Variants in TEX9 observed in about 807,000 individuals in gnomAD.
TEX9 encodes the protein testis expressed 9.
A neutral mutation model predicts 59.6 loss-of-function variants in TEX9; 74 were observed. The observed-to-expected ratio is 1.24, with a 90% confidence interval of 1.03 to 1.51. The LOEUF (loss-of-function observed/expected upper bound fraction) is 1.51. Ranked by LOEUF, TEX9 falls within the 40% of genes most tolerant of loss-of-function variation. The pLI is 0.00. For synonymous variants in TEX9, 186 were observed against 152.2 expected (o/e 1.22, Z -1.64); for missense variants, 522 against 447.8 (o/e 1.17, Z -1.49).
intron 1 of TEX9, among the ~76,000 whole-genome samples, chr15:56,360,342 A>C (rs2046767202): frequency 6.6e-6 from 1 of 152,152 alleles, no homozygotes; most frequent in South Asian, 2.1e-4. Flanking sequence ...TCACCAGAGA[A>C]ACCATCTGGG....
chr15:56,431,412 A>C (rs2050592219), intron 12 of TEX9: 14 of 1,613,490 alleles, frequency 8.7e-6, no homozygotes, highest in Non-Finnish European at 1.2e-5. Flanking sequence ...CATGCTCTTT[A>C]AGAAGTTTTA....
chr15:56,306,300 A>G (rs1212185437), intron 1 of TEX9, among the ~76,000 whole-genome samples: 1 of 150,318 alleles, frequency 6.7e-6, no homozygotes, highest in Non-Finnish European at 1.5e-5. Flanking sequence ...TATCAAAGAG[A>G]TATCTGCACT....
At chr15:56,391,546 A>T (rs1204416221) in intron 7 of TEX9, 128 bp downstream of exon 7, 1 of 592,848 alleles carries the variant, frequency 1.7e-6, no homozygotes, top group Non-Finnish European at 2.6e-6. Context: ...AGAATTATCT[A>T]GTAGGATGTG....
chr15:56,328,162 A>T (rs1243827247), intron 1 of TEX9, among the ~76,000 whole-genome samples: 2 of 151,918 alleles, frequency 1.3e-5, no homozygotes, highest in African/African-American at 2.4e-5. Context: ...ACAATAGGGT[A>T]GGGCACTGGG....
rs532355050 is a variant in TEX9, at chr15:56,266,502, G to A, written c.-107+22224G>A. ...CCCCCCCACCCAATGACAGGCCCCG[G>A]TGTGTGATATTCCCTGCCCTGTGTC... On this transcript the variant is annotated intron_variant, in intron 1 of 5. Transcript: ENST00000560827. Among the ~76,000 whole-genome samples, 3 of 134,556 alleles carry A rather than the reference G, an allele frequency of 2.2e-5. No homozygotes were observed. The South Asian group carries it at 8.4e-4, about 38-fold the overall frequency. 88.3% of individuals were successfully genotyped at this position (134,556 alleles called of 152,430 possible).
chr15:56,379,487 A>T, intron 3 of TEX9, among the ~76,000 whole-genome samples: 1 of 152,198 alleles, frequency 6.6e-6, no homozygotes, highest in East Asian at 1.9e-4. Flanking sequence ...CTTGAGAATG[A>T]TATACATGCT....
chr15:56,317,074 C>G (rs150191154), intron 1 of TEX9, among the ~76,000 whole-genome samples: 7 of 152,152 alleles, frequency 4.6e-5, no homozygotes, highest in African/African-American at 7.2e-5. Flanking sequence ...GAGATGAACC[C>G]GGTACCTCAG....
intron 7 of TEX9, among the ~76,000 whole-genome samples, chr15:56,391,661 C>A (rs2048217066): frequency 1.3e-5 from 2 of 151,450 alleles, no homozygotes; most frequent in South Asian, 2.1e-4. Flanking sequence ...AACTCGCCTA[C>A]TTTTATGTTT....
intron 12 of TEX9, among the ~76,000 whole-genome samples, chr15:56,437,174 T>A (rs2050741288): frequency 6.6e-6 from 1 of 152,094 alleles, no homozygotes; most frequent in Non-Finnish European, 1.5e-5. Flanking sequence ...AAAGAGAATT[T>A]AAGACCAATA....
intron 12 of TEX9, among the ~76,000 whole-genome samples, chr15:56,439,661 C>A (rs1277009447): frequency 6.6e-6 from 1 of 151,566 alleles, no homozygotes; most frequent in Non-Finnish European, 1.5e-5. Flanking sequence ...TGAACTAAAT[C>A]CAATGGCAAA....
chr15:56,451,878 ATTTTT>A, the TEX9 span, among the ~76,000 whole-genome samples: 1 of 151,816 alleles, frequency 6.6e-6, no homozygotes, highest in African/African-American at 2.4e-5. Context: ...GATTGCCTAG[ATTTTT>A]TTTTATTACT....
At chr15:56,308,626 A>T (rs141851678) in intron 1 of TEX9, among the ~76,000 whole-genome samples, 164 of 152,224 alleles carry the variant, frequency 1.1e-3, no homozygotes, top group Non-Finnish European at 2.1e-3. Context: ...CTAAGAAATC[A>T]TTCCTGATCC....
intron 1 of TEX9, among the ~76,000 whole-genome samples, chr15:56,259,480 A>C (rs2044216485): frequency 6.6e-6 from 1 of 152,020 alleles, no homozygotes; most frequent in Non-Finnish European, 1.5e-5. Flanking sequence ...GAATTATTTA[A>C]TTGCTCCAGC....
chr15:56,431,814 T>A (rs1433890935), intron 12 of TEX9, among the ~76,000 whole-genome samples: 2 of 151,922 alleles, frequency 1.3e-5, no homozygotes, highest in Non-Finnish European at 2.9e-5. Context: ...TACTGAATGC[T>A]TACCATATAC....
intron 3 of TEX9, among the ~76,000 whole-genome samples, chr15:56,379,691 A>G (rs2047634897): frequency 6.6e-6 from 1 of 152,158 alleles, no homozygotes; most frequent in South Asian, 2.1e-4. Flanking sequence ...TTTAGCTCGA[A>G]TAATATTTGC....
chr15:56,269,780 A>T (rs2044480825), intron 1 of TEX9, among the ~76,000 whole-genome samples: 1 of 151,046 alleles, frequency 6.6e-6, no homozygotes, highest in African/African-American at 2.4e-5. Flanking sequence ...CAGCCTCTCA[A>T]GTAGCTGGGA....
At chr15:56,363,461 G>A (rs555139141), upstream of TEX9, among the ~76,000 whole-genome samples, 219 of 151,974 alleles carry the variant, frequency 1.4e-3, 1 homozygote, top group African/African-American at 4.8e-3. Flanking sequence ...GAGCCACCGC[G>A]CCTGGCTATC....
intron 10 of TEX9, among the ~76,000 whole-genome samples, chr15:56,424,104 ATAGAG>A (rs1174339428): frequency 2.0e-5 from 3 of 152,120 alleles, no homozygotes; most frequent in African/African-American, 4.8e-5. Context: ...TACTTTTACT[ATAGAG>A]TAGTCTTTTC....
intron 1 of TEX9, among the ~76,000 whole-genome samples, chr15:56,346,320 A>G (rs1460389963): frequency 6.6e-6 from 1 of 152,144 alleles, no homozygotes; most frequent in African/African-American, 2.4e-5. Flanking sequence ...GAGGTGGGTT[A>G]TGAGTTTGCC....
Sources: gnomAD v4.1 joint callset for allele counts (sites outside exome capture counted in the v4.1 genomes callset) on GRCh38, gnomAD v4.1.1 for gene constraint, MANE v1.5 for transcripts, NCBI Gene and HGNC (gene_info 2026-07-23, HGNC 2026-07-21) for gene names.